NNAT: variants seen among roughly 807,000 people sequenced by gnomAD.
The protein encoded by NNAT is neuronatin.
Under a neutral mutation model 12.7 loss-of-function variants are expected in NNAT, and 8 were observed. The observed-to-expected ratio is 0.63, with a 90% CI of 0.37 to 1.14. The LOEUF is 1.14. Among genes scored for constraint, NNAT ranks in the 50% most tolerant of loss-of-function variants. The pLI is 0.01. For synonymous variants in NNAT, 52 were observed against 48.5 expected, an observed-to-expected ratio of 1.07 and a Z score of -0.30; for missense variants, 94 against 108.3, an observed-to-expected ratio of 0.87 and a Z score of 0.59.
At chr20:37,522,589 CGGGGGTGGG>C (rs2147191128) in intron 2 of NNAT, 69 bp from the exon 3 acceptor site, 6 of 662,100 alleles carry the variant, frequency 9.1e-6, no homozygotes, top group Non-Finnish European at 1.2e-5. Flanking sequence ...GGGGGTGGGG[CGGGGGTGGG>C]CACGGCAGCA....
At position 37,521,694 on chromosome 20, in the gene NNAT, A is replaced by G. The variant is rs562673461; in HGVS notation, c.72+291A>G. The stretch of plus-strand genomic sequence containing the variant: ...GGCATTTAGCGACCTACGCGGTAAG[A>G]AAAACCCGCTACACCCGGACTCGAC... On this transcript the variant is annotated intron_variant, in intron 1 of 2. Transcript: ENST00000649451. The surrounding 1 kb of genome is among the most constrained non-coding windows in gnomAD (Gnocchi z 4.5). The G allele has an allele frequency of 5.2e-4, 209 of 402,086 alleles. No homozygotes were observed. Among genetic ancestry groups the G allele is most frequent in the African/African-American group, 4.1e-3 (199 of 48,048 alleles). 24.9% of individuals were successfully genotyped at this position (402,086 alleles called of 1,614,324 possible). A position where few individuals can be genotyped will look rare whatever the true frequency, so the allele number is the denominator to read the frequency against.
chr20:37,522,282 C>T, intron 1 of NNAT, 76 bp from the exon 2 acceptor site: 1 of 1,220,858 alleles, frequency 8.2e-7, no homozygotes, highest in Non-Finnish European at 1.2e-6. Context: ...AATCATTTAC[C>T]CTAAAAGCTC....
chr20:37,522,938 AAGATACC>A lies in NNAT; in HGVS notation c.*184_*190del. On this transcript the variant is annotated 3_prime_UTR_variant, in exon 3 of 3. Transcript: ENST00000649451. The stretch of plus-strand genomic sequence containing the variant: ...CGGAGAAGCAGTACCGACAATGACG[AAGATACC>A]AGATCCCTTCCCAACCCCTTTGCAC... 1.7e-6 allele frequency: 1 copy of A among 585,174 alleles called. No individual in the cohort carries two copies. The highest frequency in any genetic ancestry group is 3.0e-6 in the Non-Finnish European group (1 of 330,594). 36.2% of individuals were successfully genotyped at this position (585,174 alleles called of 1,614,324 possible).
At position 37,521,506 on chromosome 20, in the gene NNAT, G is replaced by A; in HGVS notation, c.72+103G>A. 1 of 1,172,528 alleles carries A rather than the reference G, an allele frequency of 8.5e-7. No individual in the cohort carries two copies. The highest frequency in any genetic ancestry group is 1.3e-5 in the South Asian group (1 of 78,302). The allele number at this position is 1,172,528 out of a possible 1,614,324, so 72.6% of individuals were successfully genotyped here. A position where few individuals can be genotyped will look rare whatever the true frequency, so the allele number is the denominator to read the frequency against. ...CCGCTTCCCGGACCCGTCCTATTCC[G>A]ATTGCCGCGATCCTTGCCTGCCCAA... On this transcript the variant is annotated intron_variant, in intron 1 of 2. Coordinates refer to ENST00000649451, the MANE Select transcript of NNAT (RefSeq NM_005386.4). This position sits in a 1 kb window ranked among gnomAD's most constrained non-coding sequence, Gnocchi z 4.5.
chr20:37,522,282 C>A, intron 1 of NNAT, 76 bp from the exon 2 acceptor site: 2 of 1,220,856 alleles, frequency 1.6e-6, no homozygotes, highest in Non-Finnish European at 1.2e-6. Flanking sequence ...AATCATTTAC[C>A]CTAAAAGCTC....
Position 37,522,664 on chromosome 20 carries a change from C to T in NNAT, c.154-3C>T. On this transcript the variant is annotated splice_polypyrimidine_tract_variant and splice_region_variant and intron_variant, in intron 2 of 2. Coordinates refer to ENST00000649451, the MANE Select transcript of NNAT (RefSeq NM_005386.4). ...AGGGTGGGTCCTGGGTTTCTCGTCG[C>T]AGGTGTTCAGGTACTCCCTGCAGAA... The T allele has an allele frequency of 2.5e-6, 4 of 1,609,840 alleles. No homozygotes were observed. The highest frequency in any genetic ancestry group is 3.4e-6 in the Non-Finnish European group (4 of 1,178,276).
Position 37,521,597 on chromosome 20 carries a change from C to T in NNAT, c.72+194C>T. ...CGCCGTCCTCCTCGCGCTGACCCTCCCTAGTGCGCCCGCGCCTGCCAGGGA... is the reference window on the plus strand; with the variant it reads ...CGCCGTCCTCCTCGCGCTGACCCTCTCTAGTGCGCCCGCGCCTGCCAGGGA... On this transcript the variant is annotated intron_variant, in intron 1 of 2. Coordinates refer to ENST00000649451, the MANE Select transcript of NNAT (RefSeq NM_005386.4). This position sits in a 1 kb window ranked among gnomAD's most constrained non-coding sequence, Gnocchi z 4.5. The T allele has an allele frequency of 1.7e-6, 1 of 590,058 alleles. No homozygotes were observed. The highest frequency in any genetic ancestry group is 3.0e-6 in the Non-Finnish European group (1 of 335,214). The allele number at this position is 590,058 out of a possible 1,614,324, so 36.6% of individuals were successfully genotyped here.
chr20:37,522,530 T>A (rs1344209793), intron 2 of NNAT, 92 bp downstream of exon 2: 8 of 1,169,766 alleles, frequency 6.8e-6, no homozygotes, highest in Non-Finnish European at 9.2e-6. Flanking sequence ...GTGGACAAGC[T>A]GCGCCCGCGC....
chr20:37,521,388 C>T lies in NNAT; in HGVS notation c.57C>T (p.Phe19=). The change falls in exon 1 of 3, where the codon TTC becomes TTT. Residue 19 remains phenylalanine, a synonymous_variant. Transcript: ENST00000649451. This position sits in a 1 kb window ranked among gnomAD's most constrained non-coding sequence, Gnocchi z 4.5. The part of the protein sequence containing the change: ...AELLIIGWYI[F]RVLLQVFLEC... The stretch of plus-strand genomic sequence containing the variant: ...TGCTCATCATCGGCTGGTACATCTT[C>T]CGCGTGCTGCTGCAGGTAAGTCTGA... 6.2e-7 allele frequency: 1 copy of T among 1,614,134 alleles called. No homozygotes were observed.
rs1234042982 is a variant in NNAT, at chr20:37,521,799, C to G, written c.72+396C>G. On this transcript the variant is annotated intron_variant, in intron 1 of 2. Coordinates refer to ENST00000649451, the MANE Select transcript of NNAT (RefSeq NM_005386.4). This position sits in a 1 kb window ranked among gnomAD's most constrained non-coding sequence, Gnocchi z 4.5. ...GAAAATTTTCCACCTTAAAAAATTG[C>G]GCATTGCGGAGAAATTTTATTTAAA... 2.3e-5 allele frequency: 4 copies of G among 172,100 alleles called. No homozygotes were observed. The highest frequency in any genetic ancestry group is 7.1e-5 in the African/African-American group (3 of 42,068). The allele number at this position is 172,100 out of a possible 1,614,324, so 10.7% of individuals were successfully genotyped here. A position where few individuals can be genotyped will look rare whatever the true frequency, so the allele number is the denominator to read the frequency against.
rs975683587 is a variant in NNAT at position 37,521,280 on chromosome 20, C to T, written c.-52C>T. On this transcript the variant is annotated 5_prime_UTR_variant, in exon 1 of 3. Transcript: ENST00000649451. The surrounding 1 kb of genome is among the most constrained non-coding windows in gnomAD (Gnocchi z 4.5). Reference sequence around the variant, plus strand: ...GCCCAACAGCGGACTCCGAGACCAGCGGATCTCGGCAAACCCTCTTTCTCG... The same window carrying T: ...GCCCAACAGCGGACTCCGAGACCAGTGGATCTCGGCAAACCCTCTTTCTCG... 1.3e-6 allele frequency: 2 copies of T among 1,583,940 alleles called. No homozygotes were observed. Among genetic ancestry groups the T allele is most frequent in the East Asian group, 2.2e-5 (1 of 44,634 alleles).
rs1268227593 is a variant in NNAT at position 37,523,644 on chromosome 20, T to A, written c.*885T>A. 1 of 152,688 alleles carries A rather than the reference T, an allele frequency of 6.5e-6. No individual in the cohort carries two copies. Among genetic ancestry groups the A allele is most frequent in the African/African-American group, 2.4e-5 (1 of 41,444 alleles). 9.5% of individuals were successfully genotyped at this position (152,688 alleles called of 1,614,324 possible). A position where few individuals can be genotyped will look rare whatever the true frequency, so the allele number is the denominator to read the frequency against. On this transcript the variant is annotated 3_prime_UTR_variant, in exon 3 of 3. Transcript: ENST00000649451. ...AAATAAAAAAAGTACCTCCCCTGTC[T>A]CGCACAGTGTCCCAGGACCCTGCGG... is the stretch of plus-strand genomic sequence containing the variant.
intron 1 of NNAT, among the ~76,000 whole-genome samples, 160 bp from the exon 2 acceptor site, chr20:37,522,198 T>TAAAA (rs5841264): frequency 3.5e-5 from 5 of 144,914 alleles, no homozygotes; most frequent in African/African-American, 5.1e-5. Flanking sequence ...AAAATAATAA[T>TAAAA]AAAAAAAATA....
At chr20:37,522,525 C>T (rs1044264463) in intron 2 of NNAT, 87 bp downstream of exon 2, 324 of 1,418,388 alleles carry the variant, frequency 2.3e-4, no homozygotes, top group Non-Finnish European at 2.9e-4. Context: ...GACTCGTGGA[C>T]AAGCTGCGCC....
At position 37,521,605 on chromosome 20, in the gene NNAT, G is replaced by T; in HGVS notation, c.72+202G>T. On this transcript the variant is annotated intron_variant, in intron 1 of 2. Transcript: ENST00000649451. This position sits in a 1 kb window ranked among gnomAD's most constrained non-coding sequence, Gnocchi z 4.5. ...TCCTCGCGCTGACCCTCCCTAGTGC[G>T]CCCGCGCCTGCCAGGGAACAAAGAC... 1 of 570,492 alleles carries T rather than the reference G, an allele frequency of 1.8e-6. No individual in the cohort carries two copies. Among genetic ancestry groups the T allele is most frequent in the Non-Finnish European group, 3.1e-6 (1 of 321,748 alleles). 35.3% of individuals were successfully genotyped at this position (570,492 alleles called of 1,614,324 possible). A position where few individuals can be genotyped will look rare whatever the true frequency, so the allele number is the denominator to read the frequency against.
chr20:37,522,463 C>T, intron 2 of NNAT, 25 bp downstream of exon 2: 1 of 1,599,426 alleles, frequency 6.3e-7, no homozygotes, highest in Non-Finnish European at 8.6e-7. Flanking sequence ...TGGGTCCAAT[C>T]AGCTTGCCGC....
chr20:37,523,051 T>A lies in NNAT; in HGVS notation c.*292T>A. The A allele has an allele frequency of 2.7e-6, 1 of 367,960 alleles. No individual in the cohort carries two copies. The highest frequency in any genetic ancestry group is 4.9e-6 in the Non-Finnish European group (1 of 204,214). 22.8% of individuals were successfully genotyped at this position (367,960 alleles called of 1,614,324 possible). On this transcript the variant is annotated 3_prime_UTR_variant, in exon 3 of 3. Transcript: ENST00000649451. ...CTGAGATCTGGGCATAGGCACCGCA[T>A]TCTGATCTGGACAAAGTCGGGACAG... is the stretch of plus-strand genomic sequence containing the variant.
rs2071562830 is a variant in NNAT, at chr20:37,521,382, C to T, written c.51C>T (p.Tyr17=). The T allele has an allele frequency of 1.9e-6, 3 of 1,614,130 alleles. No individual in the cohort carries two copies. Among genetic ancestry groups the T allele is most frequent in the South Asian group, 1.1e-5 (1 of 91,080 alleles). ...CTGAACTGCTCATCATCGGCTGGTA[C>T]ATCTTCCGCGTGCTGCTGCAGGTAA... ...ASAELLIIGW[Y]IFRVLLQVFL... Residue 17 remains tyrosine (Y), a synonymous_variant, in exon 1 of 3, where the codon TAC becomes TAT. Transcript: ENST00000649451. The surrounding 1 kb of genome is among the most constrained non-coding windows in gnomAD (Gnocchi z 4.5).
Position 37,521,449 on chromosome 20 carries a change from C to G in NNAT, c.72+46C>G, listed in dbSNP as rs562636458. ...GGTGGGAGAGGGTTCCCAACTCGCG[C>G]CCCTAGAACCCGCAAGACTGCGTCG... is the stretch of plus-strand genomic sequence containing the variant. On this transcript the variant is annotated intron_variant, in intron 1 of 2. Transcript: ENST00000649451. The surrounding 1 kb of genome is among the most constrained non-coding windows in gnomAD (Gnocchi z 4.5). 8 of 1,574,626 alleles carry G rather than the reference C, an allele frequency of 5.1e-6. No homozygotes were observed. The highest frequency in any genetic ancestry group is 7.0e-6 in the Non-Finnish European group (8 of 1,144,126).
Sources: gnomAD v4.1 joint callset for allele counts (sites outside exome capture counted in the v4.1 genomes callset) on GRCh38, gnomAD v4.1.1 for gene constraint, Gnocchi (gnomAD v3.1) non-coding constraint, MANE v1.5 for transcripts, NCBI Gene and HGNC (gene_info 2026-07-23, HGNC 2026-07-21) for gene names.